The following PDE1A variants were observed in gnomAD, a reference collection of about 807,000 sequenced individuals.
PDE1A encodes phosphodiesterase 1A.
A neutral mutation model predicts 61.7 loss-of-function variants in PDE1A; 35 were observed. The observed-to-expected ratio is 0.57, with a 90% CI of 0.43 to 0.75. The LOEUF is 0.75. Ranked by LOEUF, PDE1A falls within the 30% of genes least tolerant of loss-of-function variation. The pLI is 0.00. For missense variants in PDE1A, 597 were observed against 630.6 expected (o/e 0.95, Z 0.57); for synonymous variants, 232 against 213.2 (o/e 1.09, Z -0.77).
chr2:182,585,394 C>T, the PDE1A span, among the ~76,000 whole-genome samples: 474 of 152,238 alleles, frequency 3.1e-3, 3 homozygotes, highest in African/African-American at 0.011. Context: ...CATTAAAATT[C>T]ACATATAAAA....
upstream of PDE1A, among the ~76,000 whole-genome samples, chr2:182,524,334 T>C (rs535442389): frequency 1.5e-3 from 233 of 152,344 alleles, no homozygotes; most frequent in Middle Eastern, 3.4e-3. Context: ...TCCTTGAGGC[T>C]ATACAGATGA....
At position 182,223,868 on chromosome 2, in the gene PDE1A, T is replaced by C. The variant is rs766041709; in HGVS notation, c.772A>G (p.Thr258Ala). 3 of 1,566,404 alleles carry C rather than the reference T, an allele frequency of 1.9e-6. No homozygotes were observed. In the South Asian group the frequency reaches 3.5e-5, roughly 18 times the overall value. ...TTAATACTTTTTCAGACTTACCTTG[T>C]CTGAATGTGAAAGTTGTTTGTTGTC... Residue 258 changes from threonine to alanine, a missense_variant, in exon 7 of 14, where the codon ACA becomes GCA. By Grantham distance (58) the Thr-to-Ala change is moderately conservative. Coordinates refer to ENST00000351439, the Ensembl canonical transcript of PDE1A.
intron 2 of PDE1A, among the ~76,000 whole-genome samples, chr2:182,518,820 T>G (rs1690376996): frequency 6.6e-6 from 1 of 152,154 alleles, no homozygotes; most frequent in Non-Finnish European, 1.5e-5. Context: ...TCACTGAATT[T>G]TCTACCTGAA....
chr2:182,530,421 T>G, the PDE1A span, among the ~76,000 whole-genome samples: 5 of 152,176 alleles, frequency 3.3e-5, no homozygotes, highest in Middle Eastern at 0.014. Flanking sequence ...ACCTAGAGAC[T>G]CAGGATGAAT....
At chr2:182,414,078 T>C (rs1011501407) in intron 1 of PDE1A, among the ~76,000 whole-genome samples, 1 of 152,186 alleles carries the variant, frequency 6.6e-6, no homozygotes, top group African/African-American at 2.4e-5. Flanking sequence ...CACATGTAAA[T>C]TTGAGGATCA....
chr2:182,420,414 C>T (rs141267127), intron 1 of PDE1A, among the ~76,000 whole-genome samples: 1 of 152,148 alleles, frequency 6.6e-6, no homozygotes, highest in African/African-American at 2.4e-5. Flanking sequence ...GACATAACTG[C>T]CACTTTTATA....
Position 182,264,431 on chromosome 2 carries a change from G to A in PDE1A, c.54-17C>T. Reference sequence around the variant, plus strand: ...CATCTTAGTCTATTTCAAAAAAGTAGCCAAAGAGAGAAAGAGCAAGGAATT... The same window carrying A: ...CATCTTAGTCTATTTCAAAAAAGTAACCAAAGAGAGAAAGAGCAAGGAATT... On this transcript the variant is annotated splice_polypyrimidine_tract_variant and intron_variant, in intron 1 of 13. Coordinates refer to ENST00000351439, the Ensembl canonical transcript of PDE1A. 6.4e-7 allele frequency: 1 copy of A among 1,564,364 alleles called. No individual in the cohort carries two copies. The highest frequency in any genetic ancestry group is 8.8e-7 in the Non-Finnish European group (1 of 1,136,434).
intron 2 of PDE1A, among the ~76,000 whole-genome samples, chr2:182,458,030 C>T (rs908401439): frequency 3.9e-5 from 6 of 151,942 alleles, no homozygotes; most frequent in Admixed American, 2.0e-4. Flanking sequence ...TATAAAGCAT[C>T]AATATTAGCA....
At chr2:182,363,516 A>C (rs1699635995) in intron 1 of PDE1A, among the ~76,000 whole-genome samples, 1 of 151,972 alleles carries the variant, frequency 6.6e-6, no homozygotes, top group Admixed American at 6.6e-5. Context: ...TTGAATTTAG[A>C]TGTGAAGGAG....
At chr2:182,353,758 G>A (rs949267915) in intron 1 of PDE1A, among the ~76,000 whole-genome samples, 2 of 152,076 alleles carry the variant, frequency 1.3e-5, no homozygotes, top group South Asian at 2.1e-4. Context: ...ACATTAAGAT[G>A]TCAGTTAATC....
the PDE1A span, among the ~76,000 whole-genome samples, chr2:182,596,458 G>C: frequency 6.6e-6 from 1 of 152,226 alleles, no homozygotes; most frequent in Admixed American, 6.5e-5. Flanking sequence ...CACATCGCAA[G>C]GGGAGAAGGA....
chr2:182,461,214 G>A (rs766836389), intron 2 of PDE1A, among the ~76,000 whole-genome samples: 8 of 151,950 alleles, frequency 5.3e-5, no homozygotes, highest in Non-Finnish European at 7.4e-5. Flanking sequence ...AAAGGAATAC[G>A]AAAAACTAAA....
chr2:182,193,026 C>T (rs555404827), intron 10 of PDE1A, among the ~76,000 whole-genome samples: 4 of 152,096 alleles, frequency 2.6e-5, no homozygotes, highest in South Asian at 4.2e-4. Context: ...CTCACTCTGT[C>T]GCCCAGGCTG....
intron 13 of PDE1A, among the ~76,000 whole-genome samples, chr2:182,169,628 T>C (rs1291107674): frequency 6.6e-6 from 1 of 152,086 alleles, no homozygotes; most frequent in Non-Finnish European, 1.5e-5. Flanking sequence ...ATCCTGACTG[T>C]ATCTAACTAT....
At chr2:182,246,302 C>T (rs1690939062) in intron 2 of PDE1A, among the ~76,000 whole-genome samples, 1 of 152,002 alleles carries the variant, frequency 6.6e-6, no homozygotes, top group African/African-American at 2.4e-5. Context: ...TTCCTTACTG[C>T]ATTTAGGTAG....
At chr2:182,269,675 T>A (rs1692882418) in intron 1 of PDE1A, among the ~76,000 whole-genome samples, 1 of 152,070 alleles carries the variant, frequency 6.6e-6, no homozygotes, top group Non-Finnish European at 1.5e-5. Flanking sequence ...ATATAAAATT[T>A]GAGAAAATGC....
At chr2:182,643,136 G>T in the PDE1A span, among the ~76,000 whole-genome samples, 2 of 152,178 alleles carry the variant, frequency 1.3e-5, no homozygotes. Context: ...GCTGGGTCCT[G>T]GTCGTCAGGA....
At chr2:182,522,544 T>C in intron 1 of PDE1A, 6 of 1,438,200 alleles carry the variant, frequency 4.2e-6, no homozygotes, top group Non-Finnish European at 4.6e-6. Context: ...CTATTGACTT[T>C]GACAGGCATA....
rs185306588 is a variant in PDE1A at position 182,454,324 on chromosome 2, G to A, written c.101+67952C>T. 5.7e-3 allele frequency among the ~76,000 whole-genome samples: 872 copies of A among 152,212 alleles called. 6 individuals carry two copies. Among genetic ancestry groups the A allele is most frequent in the African/African-American group, 0.019 (796 of 41,534 alleles). The stretch of plus-strand genomic sequence containing the variant: ...CTCATGGGTAGGAAGAATCAATATC[G>A]TGAAAATGGCCACACTGCCCAAGGT... On this transcript the variant is annotated intron_variant, in intron 2 of 14. Transcript: ENST00000410103.
Sources: allele counts gnomAD v4.1 joint callset (sites outside exome capture counted in the v4.1 genomes callset), GRCh38; gene constraint gnomAD v4.1.1; transcripts MANE v1.5; gene names NCBI Gene and HGNC (gene_info 2026-07-23, HGNC 2026-07-21).